Variants in AKAP19 observed in about 807,000 individuals in gnomAD.
AKAP19 encodes small A-kinase anchoring protein.
the AKAP19 span, among the ~76,000 whole-genome samples, chr2:190,189,029 A>C: frequency 6.6e-6 from 1 of 152,154 alleles, no homozygotes; most frequent in Admixed American, 6.6e-5. Flanking sequence ...TTTTCCCAAC[A>C]CAGGACTTGA....
At chr2:190,198,365 G>A in the AKAP19 span, among the ~76,000 whole-genome samples, 1 of 152,110 alleles carries the variant, frequency 6.6e-6, no homozygotes. Flanking sequence ...TTCAGGCCAG[G>A]CACAGTGGCT....
chr2:189,991,910 C>T, the AKAP19 span, among the ~76,000 whole-genome samples: 1 of 152,114 alleles, frequency 6.6e-6, no homozygotes, highest in South Asian at 2.1e-4. Context: ...CATTCTTCTA[C>T]ATGTAGCTTG....
the AKAP19 span, among the ~76,000 whole-genome samples, chr2:190,040,740 G>A: frequency 1.2e-4 from 19 of 152,222 alleles, no homozygotes; most frequent in Non-Finnish European, 1.5e-4. Flanking sequence ...TTCTGCATAT[G>A]GCTAGCCAGT....
At chr2:190,198,898 T>C in the AKAP19 span, among the ~76,000 whole-genome samples, 3 of 152,302 alleles carry the variant, frequency 2.0e-5, no homozygotes, top group African/African-American at 7.2e-5. Flanking sequence ...TTGTCATCTA[T>C]TTATTGACCA....
At chr2:190,019,880 A>G in the AKAP19 span, among the ~76,000 whole-genome samples, 4 of 152,098 alleles carry the variant, frequency 2.6e-5, no homozygotes, top group Non-Finnish European at 4.4e-5. Flanking sequence ...TTATCTATGA[A>G]GGTGTCTCAG....
chr2:189,886,215 G>C, the AKAP19 span, among the ~76,000 whole-genome samples: 206 of 152,228 alleles, frequency 1.4e-3, 1 homozygote, highest in African/African-American at 4.5e-3. Context: ...TTGTTGCTTT[G>C]TCACACAACC....
chr2:190,058,164 G>T, the AKAP19 span, among the ~76,000 whole-genome samples: 1 of 152,024 alleles, frequency 6.6e-6, no homozygotes, highest in Non-Finnish European at 1.5e-5. Context: ...AAATTCAGAA[G>T]AAGAGACGAT....
At chr2:190,185,087 T>C in the AKAP19 span, among the ~76,000 whole-genome samples, 2 of 152,226 alleles carry the variant, frequency 1.3e-5, no homozygotes, top group African/African-American at 2.4e-5. Context: ...CATGTCTCTA[T>C]ACCAGAGTAA....
At chr2:190,121,418 T>G in the AKAP19 span, among the ~76,000 whole-genome samples, 1 of 152,186 alleles carries the variant, frequency 6.6e-6, no homozygotes, top group Non-Finnish European at 1.5e-5. Context: ...TGGTTTATTA[T>G]TTTCTTCAGA....
the AKAP19 span, among the ~76,000 whole-genome samples, chr2:190,140,604 T>C: frequency 6.6e-6 from 1 of 152,298 alleles, no homozygotes; most frequent in African/African-American, 2.4e-5. Flanking sequence ...CCTTGGCCCC[T>C]TTTAGCCACA....
At chr2:190,168,049 C>G in the AKAP19 span, among the ~76,000 whole-genome samples, 4 of 152,306 alleles carry the variant, frequency 2.6e-5, no homozygotes, top group African/African-American at 9.6e-5. Context: ...TCCATGAGGG[C>G]CCTGCCCCTG....
chr2:190,049,357 C>T, the AKAP19 span, among the ~76,000 whole-genome samples: 4 of 152,110 alleles, frequency 2.6e-5, no homozygotes, highest in Admixed American at 6.5e-5. Flanking sequence ...TGCCATTTTT[C>T]ACCTATCAGA....
chr2:190,180,676 AACCCTCTGCC>A, the AKAP19 span: 2 of 985,276 alleles, frequency 2.0e-6, no homozygotes, highest in Non-Finnish European at 2.4e-6. This position sits in a 1 kb window ranked among gnomAD's most constrained non-coding sequence, Gnocchi z 6.8. Flanking sequence ...GTATCGAGGC[AACCCTCTGCC>A]ACCCGAAGTT....
chr2:190,044,720 G>A, the AKAP19 span, among the ~76,000 whole-genome samples: 1 of 152,176 alleles, frequency 6.6e-6, no homozygotes, highest in African/African-American at 2.4e-5. Context: ...TATGCTTGGG[G>A]CCTAGTTGCC....
At chr2:189,993,582 ATTC>A in the AKAP19 span, among the ~76,000 whole-genome samples, 1 of 152,132 alleles carries the variant, frequency 6.6e-6, no homozygotes, top group Non-Finnish European at 1.5e-5. Context: ...ATTGGTACCA[ATTC>A]TTCTTTGAAT....
At chr2:189,892,644 G>A in the AKAP19 span, among the ~76,000 whole-genome samples, 1 of 152,168 alleles carries the variant, frequency 6.6e-6, no homozygotes, top group Non-Finnish European at 1.5e-5. Context: ...GACAGCCAGA[G>A]CTCTCCTGTA....
the AKAP19 span, among the ~76,000 whole-genome samples, chr2:190,041,524 G>A: frequency 1.3e-5 from 2 of 152,112 alleles, no homozygotes; most frequent in Non-Finnish European, 2.9e-5. Flanking sequence ...TCTCTTGCGT[G>A]ATTGCTCTGG....
At chr2:189,996,442 G>A in the AKAP19 span, among the ~76,000 whole-genome samples, 5 of 151,944 alleles carry the variant, frequency 3.3e-5, no homozygotes, top group Non-Finnish European at 7.4e-5. Flanking sequence ...CAGAAGTTGT[G>A]ATTGTTTTTT....
chr2:190,136,159 A>G, the AKAP19 span, among the ~76,000 whole-genome samples: 3 of 152,182 alleles, frequency 2.0e-5, no homozygotes, highest in South Asian at 2.1e-4. Context: ...AATTTTGAGG[A>G]AGGGATAGAG....
Sources: allele counts gnomAD v4.1 joint callset (sites outside exome capture counted in the v4.1 genomes callset), GRCh38; gene constraint gnomAD v4.1.1; non-coding constraint Gnocchi (gnomAD v3.1); transcripts MANE v1.5; gene names NCBI Gene and HGNC (gene_info 2026-07-23, HGNC 2026-07-21).